PPARGC1A: variants seen among roughly 807,000 people sequenced by gnomAD.
PPARGC1A encodes PPARG coactivator 1 alpha, also known as peroxisome proliferator-activated receptor gamma coactivator 1-alpha.
Under a neutral mutation model 88.7 loss-of-function variants are expected in PPARGC1A, and 25 were observed. That is an observed-to-expected ratio of 0.28 (90% confidence interval 0.21 to 0.39). The LOEUF (loss-of-function observed/expected upper bound fraction) is 0.39, where lower values mean the gene tolerates loss of function less well. Ranked by LOEUF, PPARGC1A falls within the 10% of genes least tolerant of loss-of-function variation. The pLI, the probability that PPARGC1A is intolerant of heterozygous loss-of-function variation, is 1.00. For synonymous variants in PPARGC1A, 363 were observed against 355.6 expected (o/e 1.02, Z -0.24); for missense variants, 880 against 968.7 (o/e 0.91, Z 1.22).
chr4:24,385,696 A>G, the PPARGC1A span, among the ~76,000 whole-genome samples: 2 of 152,192 alleles, frequency 1.3e-5, no homozygotes, highest in African/African-American at 4.8e-5. Context: ...AACCAGGAAG[A>G]AGCCGAATCC....
the PPARGC1A span, among the ~76,000 whole-genome samples, chr4:24,022,271 T>C: frequency 6.6e-6 from 1 of 152,122 alleles, no homozygotes; most frequent in Non-Finnish European, 1.5e-5. Context: ...TTGTTGCTTT[T>C]TTTGTCAGTC....
chr4:24,318,195 C>G, the PPARGC1A span, among the ~76,000 whole-genome samples: 1 of 152,162 alleles, frequency 6.6e-6, no homozygotes, highest in Non-Finnish European at 1.5e-5. Context: ...CAGGCGACCA[C>G]TTGGTATAGT....
intron 12 of PPARGC1A, among the ~76,000 whole-genome samples, chr4:23,800,588 G>T (rs1397947906): frequency 6.6e-6 from 1 of 150,484 alleles, no homozygotes; most frequent in Non-Finnish European, 1.5e-5. Flanking sequence ...AGTAGAATTT[G>T]GAAGTTTATA....
At chr4:24,232,131 C>T in the PPARGC1A span, among the ~76,000 whole-genome samples, 2 of 151,448 alleles carry the variant, frequency 1.3e-5, no homozygotes, top group South Asian at 2.1e-4. Context: ...CGGCATGTGA[C>T]GTGACTGGAT....
chr4:23,873,962 G>C (rs59050865), intron 2 of PPARGC1A, among the ~76,000 whole-genome samples: 5,979 of 152,214 alleles, frequency 0.039, 137 homozygotes, highest in Non-Finnish European at 0.05. Context: ...TTGGAGGGAG[G>C]GGAGAAAAGG....
the PPARGC1A span, among the ~76,000 whole-genome samples, chr4:24,381,792 A>C: frequency 6.6e-6 from 1 of 152,368 alleles, no homozygotes; most frequent in East Asian, 1.9e-4. Context: ...TTAGCTATAC[A>C]ACTCTTTCAT....
At chr4:24,424,218 G>GA in the PPARGC1A span, among the ~76,000 whole-genome samples, 8,967 of 107,732 alleles carry the variant, frequency 0.083, 295 homozygotes, top group Middle Eastern at 0.16. Context: ...TTAGGAAAAG[G>GA]AAAAAAAAAA....
chr4:24,011,621 T>C, the PPARGC1A span, among the ~76,000 whole-genome samples: 1 of 152,128 alleles, frequency 6.6e-6, no homozygotes. Context: ...CACCGAACTT[T>C]CCTGACCCTT....
the PPARGC1A span, among the ~76,000 whole-genome samples, chr4:24,385,936 C>T: frequency 6.6e-6 from 1 of 151,936 alleles, no homozygotes; most frequent in Non-Finnish European, 1.5e-5. Context: ...AGAGACACAA[C>T]AAAAAAAGAA....
At chr4:24,014,542 A>T in the PPARGC1A span, among the ~76,000 whole-genome samples, 47 of 152,146 alleles carry the variant, frequency 3.1e-4, no homozygotes, top group Non-Finnish European at 1.0e-4. Flanking sequence ...TACAATCAAG[A>T]TGTCAGCCAG....
At chr4:23,811,346 A>G (rs905809551) in intron 10 of PPARGC1A, among the ~76,000 whole-genome samples, 1 of 152,154 alleles carries the variant, frequency 6.6e-6, no homozygotes, top group African/African-American at 2.4e-5. Flanking sequence ...CATTTCCCTA[A>G]GCCTTGGCTA....
At chr4:24,185,435 G>A in the PPARGC1A span, among the ~76,000 whole-genome samples, 11 of 152,226 alleles carry the variant, frequency 7.2e-5, no homozygotes, top group Non-Finnish European at 1.0e-4. Context: ...GCAGCCTCCA[G>A]TACCCTAGAA....
At chr4:23,898,290 G>A (rs530976225) in intron 1 of PPARGC1A, among the ~76,000 whole-genome samples, 5 of 152,170 alleles carry the variant, frequency 3.3e-5, no homozygotes, top group Admixed American at 2.0e-4. Flanking sequence ...ACAGGATAGC[G>A]TTACCTTTTC....
chr4:23,806,087 G>C (rs1457105230), intron 10 of PPARGC1A, among the ~76,000 whole-genome samples: 1 of 152,132 alleles, frequency 6.6e-6, no homozygotes, highest in African/African-American at 2.4e-5. Flanking sequence ...AACCGAAGGG[G>C]TGTTCCACAA....
the PPARGC1A span, among the ~76,000 whole-genome samples, chr4:24,432,588 C>T: frequency 3.3e-5 from 5 of 152,178 alleles, no homozygotes; most frequent in Non-Finnish European, 7.3e-5. Context: ...GCATCCAGAG[C>T]GTGGTCTAAT....
chr4:24,470,795 C>A, the PPARGC1A span, among the ~76,000 whole-genome samples: 1 of 151,718 alleles, frequency 6.6e-6, no homozygotes, highest in Non-Finnish European at 1.5e-5. This position sits in a 1 kb window ranked among gnomAD's most constrained non-coding sequence, Gnocchi z 5.8. Flanking sequence ...GGGAGCCTCT[C>A]CAAGGCTCCG....
chr4:23,911,064 C>T, the PPARGC1A span, among the ~76,000 whole-genome samples: 2 of 152,108 alleles, frequency 1.3e-5, no homozygotes, highest in Admixed American at 6.6e-5. Flanking sequence ...CCTGGTTTCC[C>T]TGCAGCCCAC....
At chr4:23,840,098 C>T (rs1214390972) in intron 2 of PPARGC1A, among the ~76,000 whole-genome samples, 1 of 152,090 alleles carries the variant, frequency 6.6e-6, no homozygotes, top group African/African-American at 2.4e-5. Context: ...TCATGTGAAA[C>T]CCCTCTTCTG....
At chr4:24,093,577 TC>T in the PPARGC1A span, among the ~76,000 whole-genome samples, 7 of 152,116 alleles carry the variant, frequency 4.6e-5, no homozygotes, top group African/African-American at 1.4e-4. Context: ...CCAGAAAATT[TC>T]CCCAGAGACT....
Sources: gnomAD v4.1 joint callset for allele counts (sites outside exome capture counted in the v4.1 genomes callset) on GRCh38, gnomAD v4.1.1 for gene constraint, Gnocchi (gnomAD v3.1) non-coding constraint, MANE v1.5 for transcripts, NCBI Gene and HGNC (gene_info 2026-07-23, HGNC 2026-07-21) for gene names.